The following EPHA3 variants were observed in gnomAD, a reference collection of about 807,000 sequenced individuals.
EPHA3 encodes EPH receptor A3, also known as ephrin type-A receptor 3.
EPHA3 carries 42 observed loss-of-function variants against 107.1 expected under a neutral mutation model. That is an observed-to-expected ratio of 0.39 (90% CI 0.31 to 0.51). The LOEUF (loss-of-function observed/expected upper bound fraction) is 0.51. EPHA3 is among the 20% of genes least tolerant of loss of function. The pLI is 0.78. For missense variants in EPHA3, 1,183 were observed against 1,211.2 expected (o/e 0.98, Z 0.35); for synonymous variants, 461 against 424.8 (o/e 1.09, Z -1.05).
intron 2 of EPHA3, among the ~76,000 whole-genome samples, chr3:89,191,391 C>G (rs1241703261): frequency 1.3e-5 from 2 of 151,930 alleles, no homozygotes; most frequent in East Asian, 3.9e-4. Context: ...ACTGCAAGCT[C>G]CGCTTCCTGG....
chr3:89,454,849 C>T (rs1476255717), intron 15 of EPHA3, among the ~76,000 whole-genome samples: 2 of 151,744 alleles, frequency 1.3e-5, no homozygotes, highest in African/African-American at 4.8e-5. Context: ...TTTAAATGGG[C>T]CAGGCATGGT....
chr3:89,448,385 G>T (rs1359378987), intron 13 of EPHA3, among the ~76,000 whole-genome samples: 2 of 151,960 alleles, frequency 1.3e-5, no homozygotes, highest in African/African-American at 2.4e-5. Context: ...TGACACTTAC[G>T]AAACAAAAGA....
intron 3 of EPHA3, among the ~76,000 whole-genome samples, chr3:89,304,827 G>A (rs1706574506): frequency 1.3e-5 from 2 of 152,076 alleles, no homozygotes; most frequent in South Asian, 4.1e-4. Context: ...CCAAAAGGGA[G>A]AGGTTCTTTC....
At chr3:89,321,700 G>A (rs528297049) in intron 3 of EPHA3, among the ~76,000 whole-genome samples, 1 of 152,114 alleles carries the variant, frequency 6.6e-6, no homozygotes, top group African/African-American at 2.4e-5. Flanking sequence ...ATAAATAAAG[G>A]TACTGTATAT....
chr3:89,288,377 G>A (rs1176677525), intron 3 of EPHA3, among the ~76,000 whole-genome samples: 1 of 152,080 alleles, frequency 6.6e-6, no homozygotes, highest in Non-Finnish European at 1.5e-5. Context: ...CTATGATGCT[G>A]TATAATGTTG....
chr3:89,385,113 C>T (rs1446207570), intron 5 of EPHA3, among the ~76,000 whole-genome samples: 6 of 152,066 alleles, frequency 3.9e-5, no homozygotes, highest in Admixed American at 3.3e-4. Flanking sequence ...GATAGGTTTG[C>T]TAATATACTG....
chr3:89,154,089 G>A (rs1324615944), intron 2 of EPHA3, among the ~76,000 whole-genome samples: 3 of 151,870 alleles, frequency 2.0e-5, no homozygotes, highest in Admixed American at 6.6e-5. Context: ...TCTCGTTGTG[G>A]CTTGCCTTGA....
chr3:89,183,054 A>G (rs1705481432), intron 2 of EPHA3, among the ~76,000 whole-genome samples: 1 of 151,930 alleles, frequency 6.6e-6, no homozygotes, highest in African/African-American at 2.4e-5. Context: ...TAATTTGAGG[A>G]CTCGGAGAGG....
intron 3 of EPHA3, among the ~76,000 whole-genome samples, chr3:89,301,699 T>C (rs939853828): frequency 1.3e-5 from 2 of 152,114 alleles, no homozygotes; most frequent in African/African-American, 4.8e-5. Context: ...AGGATACTTA[T>C]TTGGAGTTGC....
chr3:89,159,053 C>T (rs558748226), intron 2 of EPHA3, among the ~76,000 whole-genome samples: 14 of 152,002 alleles, frequency 9.2e-5, no homozygotes, highest in African/African-American at 3.4e-4. Flanking sequence ...CATTATTTAC[C>T]TAATTCATTA....
At position 89,414,580 on chromosome 3, in the gene EPHA3, C is replaced by T. The variant is rs117406030; in HGVS notation, c.1888+1314C>T. 7.5e-4 allele frequency among the ~76,000 whole-genome samples: 113 copies of T among 151,664 alleles called. No homozygotes were observed. The East Asian group carries it at 0.019, about 26-fold the overall frequency. On this transcript the variant is annotated intron_variant, in intron 10 of 16. Transcript: ENST00000336596. ...CACAAGAGTGCACTTTTCTCCAGCACGGAGCCTGCGGTAGCAAATGCAGCA... is the reference window on the plus strand; with the variant it reads ...CACAAGAGTGCACTTTTCTCCAGCATGGAGCCTGCGGTAGCAAATGCAGCA...
At chr3:89,189,609 A>T (rs1705654422) in intron 2 of EPHA3, among the ~76,000 whole-genome samples, 1 of 152,108 alleles carries the variant, frequency 6.6e-6, no homozygotes, top group Non-Finnish European at 1.5e-5. Context: ...AAAACAAGAA[A>T]ACTACACTAA....
chr3:89,401,011 C>A (rs1708951538), intron 7 of EPHA3, among the ~76,000 whole-genome samples: 1 of 152,148 alleles, frequency 6.6e-6, no homozygotes, highest in Non-Finnish European at 1.5e-5. Flanking sequence ...GACACCTGTA[C>A]TTCCCATTTT....
At position 89,296,898 on chromosome 3, in the gene EPHA3, G is replaced by GCTT. The variant is rs544963361; in HGVS notation, c.815-44016_815-44014dup. Among the ~76,000 whole-genome samples, 120 of 152,252 alleles carry GCTT rather than the reference G, an allele frequency of 7.9e-4. 1 individual carries two copies. Among genetic ancestry groups the GCTT allele is most frequent in the African/African-American group, 2.8e-3 (116 of 41,558 alleles). On this transcript the variant is annotated intron_variant, in intron 3 of 16. Transcript: ENST00000336596. ...AGTTTTTCTATCATCAGTACTTGCT[G>GCTT]CTTCACCTTGCAGTTTTATATTATG...
intron 5 of EPHA3, among the ~76,000 whole-genome samples, chr3:89,356,669 C>T (rs1337481919): frequency 6.6e-6 from 1 of 151,046 alleles, no homozygotes; most frequent in Non-Finnish European, 1.5e-5. Context: ...CACACATATA[C>T]ATATGTATAT....
At chr3:89,110,345 T>TTGTGTGA (rs1385540409) in intron 1 of EPHA3, among the ~76,000 whole-genome samples, 1 of 151,924 alleles carries the variant, frequency 6.6e-6, no homozygotes, top group Non-Finnish European at 1.5e-5. Context: ...ACATTTGCAG[T>TTGTGTGA]TGTGTGATGT....
chr3:89,180,427 T>G (rs1397379221), intron 2 of EPHA3, among the ~76,000 whole-genome samples: 1 of 151,982 alleles, frequency 6.6e-6, no homozygotes, highest in Non-Finnish European at 1.5e-5. Context: ...TTCTCTTAAA[T>G]TTATGGTGTG....
intron 10 of EPHA3, among the ~76,000 whole-genome samples, chr3:89,414,883 AT>A (rs1709218123): frequency 6.6e-6 from 1 of 151,608 alleles, no homozygotes; most frequent in African/African-American, 2.4e-5. Context: ...CTCATTAAAG[AT>A]TAGAATAGAG....
intron 1 of EPHA3, among the ~76,000 whole-genome samples, chr3:89,108,439 A>G (rs1264224231): frequency 6.6e-6 from 1 of 152,234 alleles, no homozygotes; most frequent in African/African-American, 2.4e-5. Context: ...TGCCACATTA[A>G]CGTAAGTAAT....
Sources: allele counts gnomAD v4.1 joint callset (sites outside exome capture counted in the v4.1 genomes callset), GRCh38; gene constraint gnomAD v4.1.1; transcripts MANE v1.5; gene names NCBI Gene and HGNC (gene_info 2026-07-23, HGNC 2026-07-21).